The following FUBP3 variants were observed in gnomAD, a reference collection of about 807,000 sequenced individuals.
FUBP3 encodes far upstream element-binding protein 3.
FUBP3 carries 28 observed loss-of-function variants against 85.6 expected under a neutral mutation model. That is an observed-to-expected ratio of 0.33 (90% CI 0.24 to 0.45). The LOEUF is 0.45. FUBP3 is among the 20% of genes least tolerant of loss of function. The probability of loss-of-function intolerance (pLI) is 1.00; values close to 1 mark genes in which losing one functional copy is unlikely to be tolerated. For synonymous variants in FUBP3, 271 were observed against 271.4 expected (o/e 1.00, Z 0.01); for missense variants, 583 against 755.1 (o/e 0.77, Z 2.67).
chr9:130,595,681 A>G (rs957030825), intron 2 of FUBP3, 93 bp downstream of exon 2: 3 of 767,128 alleles, frequency 3.9e-6, no homozygotes, highest in Non-Finnish European at 7.3e-6. Flanking sequence ...GACTCTCTGA[A>G]GTGTCACTCT....
chr9:130,606,390 C>G (rs192614457), intron 2 of FUBP3, among the ~76,000 whole-genome samples: 2 of 151,466 alleles, frequency 1.3e-5, no homozygotes, highest in East Asian at 1.9e-4. Flanking sequence ...CTCTCCCCAC[C>G]CCCCCCCAAC....
chr9:130,636,237 C>G, intron 18 of FUBP3, 111 bp downstream of exon 18: 3 of 1,112,958 alleles, frequency 2.7e-6, no homozygotes, highest in Non-Finnish European at 4.0e-6. Context: ...GGAGGAACCT[C>G]TGGGCGCCAT....
intron 1 of FUBP3, among the ~76,000 whole-genome samples, chr9:130,593,101 A>G (rs928137227): frequency 2.0e-5 from 3 of 152,008 alleles, no homozygotes; most frequent in African/African-American, 7.2e-5. Flanking sequence ...TGCTTTCTCA[A>G]TTTTTATGTA....
rs141995643 is a variant in FUBP3 at position 130,636,039 on chromosome 9, G to A, written c.1623G>A (p.Pro541=). 414 of 1,612,490 alleles carry A rather than the reference G, an allele frequency of 2.6e-4. 2 individuals carry two copies. In the African/African-American group the frequency reaches 4.7e-3, roughly 18 times the overall value. The change falls in exon 18 of 19, where the codon CCG becomes CCA. Residue 541 remains proline, a synonymous_variant. Transcript: ENST00000319725. ...CTGCTCCTCAGGCCAGCTCCCCACC[G>A]GACTACACAATGGCCTGGGCAGAAT... ...ASAAPQASSP[P]DYTMAWAEYY... is the part of the protein sequence containing the mutation.
intron 2 of FUBP3, among the ~76,000 whole-genome samples, chr9:130,607,659 C>T (rs555447617): frequency 6.6e-6 from 1 of 152,274 alleles, no homozygotes; most frequent in African/African-American, 2.4e-5. Context: ...TAGAAGTTGG[C>T]CATATGAGTA....
At chr9:130,595,226 C>CA (rs10585883) in intron 1 of FUBP3, among the ~76,000 whole-genome samples, 1,443 of 100,732 alleles carry the variant, frequency 0.014, 21 homozygotes, top group South Asian at 0.032. Flanking sequence ...AACTCCGTCT[C>CA]AAAAAAAAAA....
chr9:130,604,145 A>G (rs1017697713), intron 2 of FUBP3, among the ~76,000 whole-genome samples: 3 of 152,296 alleles, frequency 2.0e-5, no homozygotes, highest in Non-Finnish European at 2.9e-5. Flanking sequence ...AAAAAACTAC[A>G]TACTGCATGA....
chr9:130,603,718 T>C (rs954528157), intron 2 of FUBP3, among the ~76,000 whole-genome samples: 1 of 152,216 alleles, frequency 6.6e-6, no homozygotes, highest in African/African-American at 2.4e-5. Flanking sequence ...CTCGAGCTCA[T>C]GTACAATGCC....
At chr9:130,588,082 C>G (rs1056410252) in intron 1 of FUBP3, among the ~76,000 whole-genome samples, 33 of 152,084 alleles carry the variant, frequency 2.2e-4, no homozygotes, top group South Asian at 4.1e-4. Context: ...TTCATCGAGC[C>G]CATGTTGTGC....
intron 2 of FUBP3, among the ~76,000 whole-genome samples, chr9:130,606,752 A>G (rs896998622): frequency 1.3e-5 from 2 of 152,062 alleles, no homozygotes; most frequent in African/African-American, 2.4e-5. Flanking sequence ...CCCAGGAGGC[A>G]GAGGTTGTGG....
intron 2 of FUBP3, among the ~76,000 whole-genome samples, chr9:130,595,989 A>G (rs1300432386): frequency 6.6e-6 from 1 of 152,230 alleles, no homozygotes; most frequent in African/African-American, 2.4e-5. Flanking sequence ...CCTTAAAGAA[A>G]GAGAAGAATG....
At chr9:130,630,533 T>A in intron 12 of FUBP3, 95 bp from the exon 13 acceptor site, 1 of 979,154 alleles carries the variant, frequency 1.0e-6, no homozygotes, top group Non-Finnish European at 1.5e-6. Context: ...GTGCACAAAA[T>A]CCCCCCGAGT....
At chr9:130,633,807 C>A (rs1432712419) in intron 16 of FUBP3, among the ~76,000 whole-genome samples, 1 of 152,228 alleles carries the variant, frequency 6.6e-6, no homozygotes, top group East Asian at 1.9e-4. Context: ...CTTCCCCACG[C>A]TGCTCCTCAG....
intron 13 of FUBP3, chr9:130,631,305 C>T: frequency 4.3e-6 from 6 of 1,389,872 alleles, no homozygotes; most frequent in Non-Finnish European, 5.6e-6. Context: ...TTGGTCCCTA[C>T]CCCCAGGGTG....
intron 3 of FUBP3, among the ~76,000 whole-genome samples, chr9:130,611,352 C>T (rs959324233): frequency 2.6e-5 from 4 of 152,180 alleles, no homozygotes; most frequent in Non-Finnish European, 1.5e-5. Flanking sequence ...TTGGCATTCA[C>T]ATCCATGGTG....
Position 130,616,162 on chromosome 9 carries a change from G to A in FUBP3, c.405-193G>A, listed in dbSNP as rs1831997920. The stretch of plus-strand genomic sequence containing the variant: ...TCACAGCGTTGGTACTGTGGTGTGT[G>A]TTGCTTTTAAATTCCAGCCCGGTAG... On this transcript the variant is annotated intron_variant, in intron 6 of 18. Coordinates refer to ENST00000319725, the MANE Select transcript of FUBP3 (RefSeq NM_003934.2). This position sits in a 1 kb window ranked among gnomAD's most constrained non-coding sequence, Gnocchi z 4.7. Among the ~76,000 whole-genome samples, 1 of 152,196 alleles carries A rather than the reference G, an allele frequency of 6.6e-6. No homozygotes were observed. Among genetic ancestry groups the A allele is most frequent in the African/African-American group, 2.4e-5 (1 of 41,442 alleles).
intron 6 of FUBP3, among the ~76,000 whole-genome samples, chr9:130,615,732 T>C (rs1015775871): frequency 1.1e-4 from 16 of 152,188 alleles, no homozygotes; most frequent in Non-Finnish European, 1.9e-4. Context: ...CCAAAGCAGG[T>C]GTCTGTGAGT....
intron 1 of FUBP3, among the ~76,000 whole-genome samples, chr9:130,582,336 C>G (rs1008625498): frequency 6.6e-6 from 1 of 151,952 alleles, no homozygotes; most frequent in Non-Finnish European, 1.5e-5. Flanking sequence ...CCTGCAGTCT[C>G]AGCTGTTTGG....
Position 130,595,600 on chromosome 9 carries a change from G to C in FUBP3, c.190+12G>C, listed in dbSNP as rs766597384. On this transcript the variant is annotated intron_variant, in intron 2 of 18. Transcript: ENST00000319725. The stretch of plus-strand genomic sequence containing the variant: ...CTTGGATGATGGAGGTAAGTTGCCA[G>C]AAATATCTTTGCCTTTCAGGTGGTA... The C allele has an allele frequency of 3.3e-6, 4 of 1,207,698 alleles. No homozygotes were observed. The highest frequency in any genetic ancestry group is 4.9e-6 in the Non-Finnish European group (4 of 809,470). The allele number at this position is 1,207,698 out of a possible 1,614,324, so 74.8% of individuals were successfully genotyped here. A position where few individuals can be genotyped will look rare whatever the true frequency, so the allele number is the denominator to read the frequency against.
Sources: allele counts gnomAD v4.1 joint callset (sites outside exome capture counted in the v4.1 genomes callset), GRCh38; gene constraint gnomAD v4.1.1; non-coding constraint Gnocchi (gnomAD v3.1); transcripts MANE v1.5; gene names NCBI Gene and HGNC (gene_info 2026-07-23, HGNC 2026-07-21).